The following NME9 variants were observed in gnomAD, a reference collection of about 807,000 sequenced individuals.
NME9 encodes NME/NM23 family member 9, also known as thioredoxin domain-containing protein 6.
NME9 carries 48 observed loss-of-function variants against 44.4 expected under a neutral mutation model. The ratio of observed to expected loss-of-function variants is 1.08; its 90% CI spans 0.86 to 1.37. The LOEUF (loss-of-function observed/expected upper bound fraction) is 1.37. Among genes scored for constraint, NME9 ranks in the 40% most tolerant of loss-of-function variants. The pLI is 0.00. For synonymous variants in NME9, 139 were observed against 147.1 expected, an observed-to-expected ratio of 0.94 and a Z score of 0.40; for missense variants, 325 against 405.2, an observed-to-expected ratio of 0.80 and a Z score of 1.70.
rs73867058 is a variant in NME9, at chr3:138,303,586, G to A, written c.849C>T (p.Asp283=). 1.1e-5 allele frequency: 18 copies of A among 1,613,842 alleles called. No individual in the cohort carries two copies. The African/African-American group carries it at 2.3e-4, about 20-fold the overall frequency. Residue 283 remains aspartate, a synonymous_variant, in exon 10 of 11, where the codon GAC becomes GAT. Coordinates refer to ENST00000333911, the MANE Select transcript of NME9 (RefSeq NM_001349018.2). The stretch of plus-strand genomic sequence containing the variant: ...CCAGTTCTCTGTCAGCATCTTCTCT[G>A]TCCCGGCTTCCATGGACGGCATTGA... The part of the protein sequence containing the change: ...MPFNAVHGSR[D]REDADRELAL...
chr3:138,294,758 A>C (rs1268583199), intron 8 of NME9, among the ~76,000 whole-genome samples: 1 of 152,054 alleles, frequency 6.6e-6, no homozygotes, highest in African/African-American at 2.4e-5. Flanking sequence ...TAGAAACTTT[A>C]CCATGTTTGT....
At chr3:138,272,684 G>A (rs1335736307) in intron 8 of NME9, among the ~76,000 whole-genome samples, 1 of 152,136 alleles carries the variant, frequency 6.6e-6, no homozygotes, top group Admixed American at 6.5e-5. Flanking sequence ...AGACCAGCCT[G>A]GCCAACATGG....
At chr3:138,266,726 G>T (rs1047858344) in intron 8 of NME9, among the ~76,000 whole-genome samples, 1 of 152,088 alleles carries the variant, frequency 6.6e-6, no homozygotes, top group African/African-American at 2.4e-5. Context: ...TGCTTGATTC[G>T]TCAGTGCTCC....
chr3:138,305,597 C>T (rs910581916), intron 8 of NME9, among the ~76,000 whole-genome samples: 1 of 152,140 alleles, frequency 6.6e-6, no homozygotes, highest in African/African-American at 2.4e-5. Flanking sequence ...CAAGAAGACT[C>T]CCAAGCAGGT....
rs61386544 is a variant in NME9, at chr3:138,303,675, A to G, written c.792-32T>C. 9.9e-4 allele frequency: 1,560 copies of G among 1,580,384 alleles called. 19 individuals carry two copies. The East Asian group carries it at 0.033, about 34-fold the overall frequency. ...ACATTGGCAAAATGTAAAAGAAACA[A>G]TTGTTTCATTTGAAAAGAAATGTTT... On this transcript the variant is annotated intron_variant, in intron 9 of 10. Coordinates refer to ENST00000333911, the MANE Select transcript of NME9 (RefSeq NM_001349018.2).
At chr3:138,304,742 T>A (rs1446912248) in intron 9 of NME9, 131 bp downstream of exon 9, 2 of 913,478 alleles carry the variant, frequency 2.2e-6, no homozygotes, top group African/African-American at 3.3e-5. Flanking sequence ...TCCCCAAATA[T>A]ATAATAGAGA....
chr3:138,282,164 A>C (rs531603088), intron 8 of NME9, among the ~76,000 whole-genome samples: 51 of 152,316 alleles, frequency 3.3e-4, no homozygotes, highest in African/African-American at 1.0e-3. Flanking sequence ...TGAGGATTGG[A>C]TCACTACCAC....
intron 8 of NME9, chr3:138,290,787 G>A (rs1187357535): frequency 1.3e-5 from 8 of 619,722 alleles, no homozygotes; most frequent in Admixed American, 3.0e-5. Context: ...GCCACTGTAC[G>A]ACATTTGAGT....
At chr3:138,324,730 A>T (rs940044948) in intron 2 of NME9, 143 bp downstream of exon 2, 2 of 655,470 alleles carry the variant, frequency 3.1e-6, no homozygotes, top group African/African-American at 3.6e-5. Flanking sequence ...ACACACACAC[A>T]CACACACACA....
chr3:138,266,119 T>C (rs1220204765), intron 8 of NME9, among the ~76,000 whole-genome samples: 2 of 152,222 alleles, frequency 1.3e-5, no homozygotes, highest in Non-Finnish European at 2.9e-5. Context: ...GTATGTAACA[T>C]TGAACTTGAC....
intron 4 of NME9, 96 bp downstream of exon 4, chr3:138,318,052 T>C: frequency 1.2e-6 from 1 of 819,742 alleles, no homozygotes; most frequent in Admixed American, 1.8e-5. Flanking sequence ...TTCCCATTAA[T>C]TCTCCAAGAG....
At chr3:138,310,308 T>C (rs2052604027) in intron 6 of NME9, among the ~76,000 whole-genome samples, 1 of 151,486 alleles carries the variant, frequency 6.6e-6, no homozygotes, top group Non-Finnish European at 1.5e-5. Context: ...AATACAGTAA[T>C]ACAATACTAC....
downstream of NME9, among the ~76,000 whole-genome samples, chr3:138,300,079 G>T (rs546845032): frequency 1.3e-5 from 2 of 152,182 alleles, no homozygotes; most frequent in African/African-American, 2.4e-5. Flanking sequence ...ATGGTGGGCT[G>T]TGAGTCTGGG....
At chr3:138,288,900 G>A (rs1577043973) in intron 8 of NME9, 1 of 603,722 alleles carries the variant, frequency 1.7e-6, no homozygotes. Context: ...GTCTCCCAAA[G>A]TGCTGGGATT....
chr3:138,263,951 T>G (rs1406865390), intron 8 of NME9: 1 of 1,009,734 alleles, frequency 9.9e-7, no homozygotes, highest in Non-Finnish European at 1.5e-6. Context: ...ATTCATAGAG[T>G]ATATAACATT....
At chr3:138,272,004 C>T (rs2048849840) in intron 8 of NME9, among the ~76,000 whole-genome samples, 2 of 152,068 alleles carry the variant, frequency 1.3e-5, no homozygotes, top group South Asian at 4.1e-4. Flanking sequence ...TAAGTTGTTA[C>T]TTGGAATTTA....
intron 8 of NME9, among the ~76,000 whole-genome samples, chr3:138,291,655 A>G (rs1372020494): frequency 6.6e-6 from 1 of 152,246 alleles, no homozygotes; most frequent in African/African-American, 2.4e-5. Context: ...TGGAGAATCA[A>G]GAAAATTTAT....
chr3:138,281,714 G>A (rs759321596), intron 8 of NME9, among the ~76,000 whole-genome samples: 13 of 152,198 alleles, frequency 8.5e-5, no homozygotes, highest in East Asian at 3.9e-4. Context: ...ATGCATGGGC[G>A]TATTCTAACA....
intron 8 of NME9, among the ~76,000 whole-genome samples, chr3:138,293,880 C>A (rs1294846295): frequency 6.6e-6 from 1 of 152,176 alleles, no homozygotes; most frequent in Non-Finnish European, 1.5e-5. Flanking sequence ...TTGCTTAGAC[C>A]ACTCTGGTGC....
Sources: allele counts gnomAD v4.1 joint callset (sites outside exome capture counted in the v4.1 genomes callset), GRCh38; gene constraint gnomAD v4.1.1; transcripts MANE v1.5; gene names NCBI Gene and HGNC (gene_info 2026-07-23, HGNC 2026-07-21).